The following ELK4 variants were observed in gnomAD, a reference collection of about 807,000 sequenced individuals.
ELK4 encodes ETS transcription factor ELK4.
Under a neutral mutation model 29.6 loss-of-function variants are expected in ELK4, and 16 were observed. That is an observed-to-expected ratio of 0.54 (90% CI 0.37 to 0.82). The LOEUF (loss-of-function observed/expected upper bound fraction) is 0.82. Ranked by LOEUF, ELK4 falls within the 40% of genes least tolerant of loss-of-function variation. The pLI is 0.00. For synonymous variants in ELK4, 213 were observed against 191.1 expected (o/e 1.11, Z -0.95); for missense variants, 465 against 507.1 (o/e 0.92, Z 0.80).
At chr1:205,628,570 C>G (rs908074250) in intron 1 of ELK4, among the ~76,000 whole-genome samples, 1 of 152,118 alleles carries the variant, frequency 6.6e-6, no homozygotes, top group African/African-American at 2.4e-5. Flanking sequence ...GTCTTAATAC[C>G]TATTATGTAG....
chr1:205,623,454 TGCCCACCACCAC>T (rs1320913691), intron 2 of ELK4, among the ~76,000 whole-genome samples: 2 of 151,438 alleles, frequency 1.3e-5, no homozygotes. Flanking sequence ...GGATTACAGG[TGCCCACCACCAC>T]GCCCAGCTAA....
chr1:205,621,974 G>A (rs1670361036), intron 2 of ELK4, among the ~76,000 whole-genome samples: 1 of 151,966 alleles, frequency 6.6e-6, no homozygotes, highest in Non-Finnish European at 1.5e-5. Flanking sequence ...CACTCTGGGA[G>A]GCCAAGGCAG....
chr1:205,617,936 G>A (rs1376706042), intron 4 of ELK4, among the ~76,000 whole-genome samples: 1 of 151,950 alleles, frequency 6.6e-6, no homozygotes, highest in Non-Finnish European at 1.5e-5. Context: ...AATTAAAAGA[G>A]GGAACCTATG....
At chr1:205,624,332 G>A (rs1245643457) in intron 1 of ELK4, among the ~76,000 whole-genome samples, 3 of 152,098 alleles carry the variant, frequency 2.0e-5, no homozygotes, top group Non-Finnish European at 4.4e-5. Flanking sequence ...CACCATTCCA[G>A]CATCTGTCTA....
intron 3 of ELK4, chr1:205,619,659 C>T: frequency 1.5e-6 from 2 of 1,364,046 alleles, no homozygotes; most frequent in Non-Finnish European, 9.4e-7. Context: ...TATAAGACAC[C>T]AACGAGTTTT....
Position 205,616,179 on chromosome 1 carries a change from CAGA to C in ELK4, c.*364_*366del, listed in dbSNP as rs1670229140. 1 of 255,898 alleles carries C rather than the reference CAGA, an allele frequency of 3.9e-6. No homozygotes were observed. The highest frequency in any genetic ancestry group is 4.9e-5 in the Admixed American group (1 of 20,554). The allele number at this position is 255,898 out of a possible 1,614,324, so 15.9% of individuals were successfully genotyped here. A position where few individuals can be genotyped will look rare whatever the true frequency, so the allele number is the denominator to read the frequency against. Reference sequence around the variant, plus strand: ...TTCCTGGCCAAAGGGTCCCAATAGCCAGAAGGAGTAACTTTGTTCTTAATTGCT... The same window carrying C: ...TTCCTGGCCAAAGGGTCCCAATAGCCAGGAGTAACTTTGTTCTTAATTGCT... On this transcript the variant is annotated 3_prime_UTR_variant, in exon 5 of 5. Coordinates refer to ENST00000357992, the MANE Select transcript of ELK4 (RefSeq NM_001973.4).
In ELK4 at chr1:205,631,945, C is replaced by G. The variant is rs1374604049; in HGVS notation, c.-323G>C. 6.6e-6 allele frequency: 1 copy of G among 150,424 alleles called. No homozygotes were observed. The highest frequency in any genetic ancestry group is 1.5e-5 in the Non-Finnish European group (1 of 66,980). The allele number at this position is 150,424 out of a possible 1,614,324, so 9.3% of individuals were successfully genotyped here. On this transcript the variant is annotated 5_prime_UTR_variant, in exon 1 of 5. Coordinates refer to ENST00000357992, the MANE Select transcript of ELK4 (RefSeq NM_001973.4). ...CGTTCCTTGCAGCGGCGGGGCCTGC[C>G]AGGCCCTCCGCGGCCGCCGCCACTC... is the stretch of plus-strand genomic sequence containing the variant.
intron 4 of ELK4, among the ~76,000 whole-genome samples, chr1:205,618,016 A>AT (rs57087668): frequency 2.0e-5 from 3 of 150,926 alleles, no homozygotes. Flanking sequence ...AGAGAGAGAG[A>AT]GTGTGTGTGT....
In ELK4 at chr1:205,612,155, T is replaced by C. The variant is rs1450901381; in HGVS notation, c.*4391A>G. ...TGGAAAACATGTGGTAATGGATTAT[T>C]ATTTGGGAATTTATCAAAAAGAATT... is the stretch of plus-strand genomic sequence containing the variant. On this transcript the variant is annotated 3_prime_UTR_variant, in exon 5 of 5. Transcript: ENST00000357992. The C allele has an allele frequency of 5.0e-6, 1 of 200,164 alleles. No homozygotes were observed. Among genetic ancestry groups the C allele is most frequent in the African/African-American group, 2.3e-5 (1 of 43,518 alleles). 12.4% of individuals were successfully genotyped at this position (200,164 alleles called of 1,614,324 possible).
At position 205,609,057 on chromosome 1, in the gene ELK4, C is replaced by T. The variant is rs1670114321; in HGVS notation, c.*7489G>A. On this transcript the variant is annotated 3_prime_UTR_variant, in exon 5 of 5. Coordinates refer to ENST00000357992, the MANE Select transcript of ELK4 (RefSeq NM_001973.4). ...ATACTTGACGGTTCAGAAACTGCCA[C>T]TGCCACTGTGGTTAAATCACTTGGT... 5.3e-6 allele frequency: 1 copy of T among 188,270 alleles called. No homozygotes were observed. The highest frequency in any genetic ancestry group is 1.1e-5 in the Non-Finnish European group (1 of 89,416). The allele number at this position is 188,270 out of a possible 1,614,324, so 11.7% of individuals were successfully genotyped here.
At chr1:205,630,227 T>C (rs1439609742) in intron 1 of ELK4, among the ~76,000 whole-genome samples, 5 of 152,350 alleles carry the variant, frequency 3.3e-5, no homozygotes, top group Admixed American at 1.3e-4. Flanking sequence ...ATGAAGGTAT[T>C]TGATTTTTGA....
Position 205,623,817 on chromosome 1 carries a change from G to T in ELK4, c.66C>A (p.His22Gln). The T allele has an allele frequency of 1.2e-6, 2 of 1,614,194 alleles. No homozygotes were observed. Among genetic ancestry groups the T allele is most frequent in the Non-Finnish European group, 1.7e-6 (2 of 1,180,034 alleles). ...LQLLQKPQNK[H>Q]MICWTSNDGQ... ...CATCATTAGAGGTCCAACAGATCAT[G>T]TGCTTGTTCTGAGGCTTCTGCAGGA... Residue 22 changes from histidine (H) to glutamine (Q), a missense_variant, in exon 2 of 5, where the codon CAC becomes CAA. Transcript: ENST00000357992.
At chr1:205,618,530 GA>G (rs1199113869) in intron 4 of ELK4, among the ~76,000 whole-genome samples, 2 of 152,134 alleles carry the variant, frequency 1.3e-5, no homozygotes, top group Admixed American at 6.5e-5. Flanking sequence ...TAAATCTAAA[GA>G]ATATTCATTG....
intron 2 of ELK4, among the ~76,000 whole-genome samples, chr1:205,623,335 G>C (rs377721547): frequency 5.0e-4 from 72 of 142,898 alleles, no homozygotes; most frequent in African/African-American, 1.8e-3. Context: ...TTTTTGAGAC[G>C]GAGTCTCACT....
Position 205,611,762 on chromosome 1 carries a change from T to C in ELK4, c.*4784A>G, listed in dbSNP as rs1027988013. 2.1e-5 allele frequency: 4 copies of C among 194,442 alleles called. No homozygotes were observed. The highest frequency in any genetic ancestry group is 8.1e-5 in the East Asian group (1 of 12,382). The allele number at this position is 194,442 out of a possible 1,614,324, so 12.0% of individuals were successfully genotyped here. On this transcript the variant is annotated 3_prime_UTR_variant, in exon 5 of 5. Transcript: ENST00000357992. ...AGCCCCAGATTTCTGCACAGAGACC[T>C]GCATTGGTCTCCAAACTTGTTTTCA...
chr1:205,627,622 C>T (rs1394366118), intron 1 of ELK4, among the ~76,000 whole-genome samples: 5 of 152,036 alleles, frequency 3.3e-5, no homozygotes, highest in African/African-American at 1.2e-4. Flanking sequence ...AATTATATCT[C>T]AATAAAGATT....
At position 205,620,655 on chromosome 1, in the gene ELK4, G is replaced by C; in HGVS notation, c.391C>G (p.Pro131Ala). ...TTGCGGCTAGAGGTCTTGGCACCAGGCTGAGGTGGTTTATCTTTCCCTCCA... is the reference window on the plus strand; with the variant it reads ...TTGCGGCTAGAGGTCTTGGCACCAGCCTGAGGTGGTTTATCTTTCCCTCCA... ...ENGGKDKPPQ[P>A]GAKTSSRNDY... is the part of the protein sequence containing the mutation. Residue 131 changes from proline to alanine, a missense_variant, in exon 3 of 5, where the codon CCT (proline) becomes GCT (alanine). By Grantham distance (27) the Pro-to-Ala change is conservative (BLOSUM62 -1). Transcript: ENST00000357992. 6.2e-7 allele frequency: 1 copy of C among 1,614,112 alleles called. No homozygotes were observed. Among genetic ancestry groups the C allele is most frequent in the Non-Finnish European group, 8.5e-7 (1 of 1,180,002 alleles).
intron 4 of ELK4, among the ~76,000 whole-genome samples, chr1:205,618,346 T>TA: frequency 6.6e-6 from 1 of 152,104 alleles, no homozygotes; most frequent in African/African-American, 2.4e-5. Flanking sequence ...TTTTTTTTTT[T>TA]AAATAGAGAA....
chr1:205,623,825 T>C lies in ELK4; in HGVS notation c.58A>G (p.Asn20Asp). Residue 20 changes from asparagine (N) to aspartate (D), a missense_variant, in exon 2 of 5, where the codon AAC becomes GAC. This residue lies in a region of ELK4 where 385 missense variants were observed against 387.5 expected (regional missense o/e 0.99). Coordinates refer to ENST00000357992, the MANE Select transcript of ELK4 (RefSeq NM_001973.4). Reference protein sequence around the residue: ...FLLQLLQKPQNKHMICWTSND... With the variant: ...FLLQLLQKPQDKHMICWTSND... ...GAGGTCCAACAGATCATGTGCTTGTTCTGAGGCTTCTGCAGGAGCTGAAGA... is the reference window on the plus strand; with the variant it reads ...GAGGTCCAACAGATCATGTGCTTGTCCTGAGGCTTCTGCAGGAGCTGAAGA... 6.2e-7 allele frequency: 1 copy of C among 1,614,188 alleles called. No homozygotes were observed. Among genetic ancestry groups the C allele is most frequent in the Non-Finnish European group, 8.5e-7 (1 of 1,180,036 alleles).
Sources: allele counts gnomAD v4.1 joint callset (sites outside exome capture counted in the v4.1 genomes callset), GRCh38; gene constraint gnomAD v4.1.1; regional missense constraint gnomAD v4.1.1; transcripts MANE v1.5; gene names NCBI Gene and HGNC (gene_info 2026-07-23, HGNC 2026-07-21).